The following R3HDM1 variants were observed in gnomAD, a reference collection of about 807,000 sequenced individuals.
R3HDM1 encodes R3H domain-containing protein 1.
A neutral mutation model predicts 141.1 loss-of-function variants in R3HDM1; 46 were observed. The observed-to-expected ratio is 0.33, with a 90% CI of 0.26 to 0.42. The LOEUF (loss-of-function observed/expected upper bound fraction) is 0.42. Ranked by LOEUF, R3HDM1 falls within the 10% of genes least tolerant of loss-of-function variation. R3HDM1 has a pLI of 1.00. For synonymous variants in R3HDM1, 435 were observed against 472.9 expected (o/e 0.92, Z 1.04); for missense variants, 1,184 against 1,368.3 (o/e 0.87, Z 2.12).
Position 135,576,018 on chromosome 2 carries a change from T to C in R3HDM1, c.-249-26482T>C, listed in dbSNP as rs150254045. ...ACTATAAAGCTTCTATAATTGAATC[T>C]GTGTGCTACTGTCACATGAATAAAT... On this transcript the variant is annotated intron_variant, in intron 1 of 26. Transcript: ENST00000683871. Among the ~76,000 whole-genome samples, 11 of 152,304 alleles carry C rather than the reference T, an allele frequency of 7.2e-5. No homozygotes were observed. The East Asian group carries it at 1.9e-3, about 27-fold the overall frequency.
intron 1 of R3HDM1, chr2:135,536,464 A>G: frequency 3.7e-6 from 3 of 801,482 alleles, no homozygotes; most frequent in Non-Finnish European, 4.5e-6. Flanking sequence ...TAAATAGTGG[A>G]TTGCACAGCA....
At chr2:135,721,801 T>C (rs1273106312) in intron 24 of R3HDM1, 123 bp from the exon 25 acceptor site, 2 of 660,464 alleles carry the variant, frequency 3.0e-6, no homozygotes. Context: ...TTGGCCAGGC[T>C]GGTCTCGAAC....
At chr2:135,702,710 G>A (rs970771949) in intron 21 of R3HDM1, among the ~76,000 whole-genome samples, 9 of 151,534 alleles carry the variant, frequency 5.9e-5, no homozygotes, top group Non-Finnish European at 1.0e-4. Flanking sequence ...CCAGCTACTC[G>A]GGAGGCTGAG....
In R3HDM1 at chr2:135,710,034, T is replaced by C. The variant is rs2075437896; in HGVS notation, c.2564-25T>C. 6 of 1,607,392 alleles carry C rather than the reference T, an allele frequency of 3.7e-6. No individual in the cohort carries two copies. In the African/African-American group the frequency reaches 5.3e-5, roughly 14 times the overall value. On this transcript the variant is annotated intron_variant, in intron 22 of 26. Transcript: ENST00000683871. ...ACTAGTTGCTAAAATATTCTGACTA[T>C]AGCATCCTAAATTCTGATTTTCAGC... is the stretch of plus-strand genomic sequence containing the variant.
At chr2:135,715,469 G>A in intron 23 of R3HDM1, 81 bp from the exon 24 acceptor site, 1 of 1,424,578 alleles carries the variant, frequency 7.0e-7, no homozygotes, top group African/African-American at 1.4e-5. Flanking sequence ...TTTCTAACAA[G>A]TACGTATATG....
At position 135,654,863 on chromosome 2, in the gene R3HDM1, AGTGTGTGTGT is replaced by A. The variant is rs60593262; in HGVS notation, c.2028+2862_2028+2871del. ...TTTTTTGGAGTATGTGTGTATATAA[AGTGTGTGTGT>A]GTGTGTGTGTGTGTGTGTGTGTGTG... On this transcript the variant is annotated intron_variant, in intron 18 of 26. Coordinates refer to ENST00000683871, the MANE Select transcript of R3HDM1 (RefSeq NM_001378107.1). Among the ~76,000 whole-genome samples, 949 of 136,704 alleles carry A rather than the reference AGTGTGTGTGT, an allele frequency of 6.9e-3. 9 individuals are homozygous for A. Among genetic ancestry groups the A allele is most frequent in the African/African-American group, 0.023 (848 of 36,806 alleles). 89.7% of individuals were successfully genotyped at this position (136,704 alleles called of 152,430 possible).
chr2:135,622,173 G>A (rs112939178), intron 6 of R3HDM1: 4 of 984,932 alleles, frequency 4.1e-6, no homozygotes, highest in African/African-American at 1.7e-5. Context: ...AAGCAAGCCT[G>A]TAGTAATAGA....
intron 1 of R3HDM1, among the ~76,000 whole-genome samples, chr2:135,532,012 C>T (rs1257604049): frequency 3.3e-5 from 5 of 152,212 alleles, no homozygotes; most frequent in African/African-American, 9.6e-5. Flanking sequence ...ATGGCTGCTG[C>T]TGCTGCCTCC....
chr2:135,624,166 C>T (rs1454553647), intron 7 of R3HDM1, among the ~76,000 whole-genome samples: 4 of 152,062 alleles, frequency 2.6e-5, no homozygotes, highest in African/African-American at 7.2e-5. Flanking sequence ...GAGGCCGAGG[C>T]GGGTGGATCA....
intron 1 of R3HDM1, among the ~76,000 whole-genome samples, chr2:135,556,914 T>C (rs944865843): frequency 2.6e-5 from 4 of 152,242 alleles, no homozygotes; most frequent in African/African-American, 9.6e-5. Flanking sequence ...CTTACAACTT[T>C]ATCAGCTACC....
intron 21 of R3HDM1, among the ~76,000 whole-genome samples, chr2:135,706,978 CCGGA>C (rs1297907793): frequency 1.3e-5 from 2 of 152,108 alleles, no homozygotes; most frequent in Non-Finnish European, 2.9e-5. Context: ...CCCTCACCTC[CCGGA>C]CGGGGCGGCT....
At chr2:135,565,252 T>A (rs1702499392) in intron 1 of R3HDM1, among the ~76,000 whole-genome samples, 1 of 151,910 alleles carries the variant, frequency 6.6e-6, no homozygotes, top group Admixed American at 6.5e-5. Context: ...CAACAGTTTA[T>A]GAGAGTGTAC....
rs536254559 is a variant in R3HDM1, at chr2:135,537,700, A to G, written c.-250+6067A>G. ...TACTTAGAGTCTCACTCTGTCGCCCAGGGTGGAGTGCAGTGGTGCAGTCTC... is the reference window on the plus strand; with the variant it reads ...TACTTAGAGTCTCACTCTGTCGCCCGGGGTGGAGTGCAGTGGTGCAGTCTC... On this transcript the variant is annotated intron_variant, in intron 1 of 26. Coordinates refer to ENST00000683871, the MANE Select transcript of R3HDM1 (RefSeq NM_001378107.1). 2.1e-4 allele frequency among the ~76,000 whole-genome samples: 31 copies of G among 149,090 alleles called. No individual in the cohort carries two copies. In the South Asian group the frequency reaches 6.4e-3, roughly 31 times the overall value.
At chr2:135,663,338 A>C (rs1374330) in intron 19 of R3HDM1, among the ~76,000 whole-genome samples, 22,633 of 152,138 alleles carry the variant, frequency 0.15, 2,579 homozygotes, top group East Asian at 0.44. Flanking sequence ...AGGCACAAAA[A>C]AGAGAATCAT....
chr2:135,564,280 T>G (rs1271452284), intron 1 of R3HDM1, among the ~76,000 whole-genome samples: 1 of 152,262 alleles, frequency 6.6e-6, no homozygotes, highest in Admixed American at 6.5e-5. Flanking sequence ...ATGTGCATTC[T>G]GCAAATGGTG....
chr2:135,634,389 C>G (rs957885422), intron 9 of R3HDM1, among the ~76,000 whole-genome samples: 2 of 152,088 alleles, frequency 1.3e-5, no homozygotes, highest in Non-Finnish European at 2.9e-5. Flanking sequence ...GCCTGTAATC[C>G]CAGCACTTTG....
chr2:135,696,730 A>G (rs1328290590), intron 21 of R3HDM1, among the ~76,000 whole-genome samples: 1 of 152,166 alleles, frequency 6.6e-6, no homozygotes, highest in African/African-American at 2.4e-5. Context: ...GGCTCAAGCA[A>G]TCCTCCCACC....
At chr2:135,549,577 AAAAACAAAAAC>A (rs1699442734) in intron 1 of R3HDM1, among the ~76,000 whole-genome samples, 1 of 145,510 alleles carries the variant, frequency 6.9e-6, no homozygotes, top group African/African-American at 2.7e-5. Context: ...AAAAAAAAAA[AAAAACAAAAAC>A]AAAATGGGGT....
At chr2:135,612,712 T>C (rs921347681) in intron 3 of R3HDM1, among the ~76,000 whole-genome samples, 2 of 152,204 alleles carry the variant, frequency 1.3e-5, no homozygotes, top group South Asian at 4.1e-4. Flanking sequence ...ACAGGTCTAT[T>C]AAACAAGCTG....
Sources: allele counts gnomAD v4.1 joint callset (sites outside exome capture counted in the v4.1 genomes callset), GRCh38; gene constraint gnomAD v4.1.1; transcripts MANE v1.5; gene names NCBI Gene and HGNC (gene_info 2026-07-23, HGNC 2026-07-21).